Variants in BDP1 observed in about 807,000 individuals in gnomAD.
The protein encoded by BDP1 is transcription factor TFIIIB component B'' homolog.
In BDP1, 169 loss-of-function variants were observed where a neutral mutation model predicts 266.6. The ratio of observed to expected loss-of-function variants is 0.63; its 90% CI spans 0.56 to 0.72. The LOEUF (loss-of-function observed/expected upper bound fraction) is 0.72. Ranked by LOEUF, BDP1 falls within the 30% of genes least tolerant of loss-of-function variation. The pLI is 0.00. For synonymous variants in BDP1, 1,090 were observed against 1,022.4 expected, an observed-to-expected ratio of 1.07 and a Z score of -1.26; for missense variants, 3,015 against 3,053.8, an observed-to-expected ratio of 0.99 and a Z score of 0.30.
At chr5:71,473,119 A>G (rs13158264) in intron 7 of BDP1, among the ~76,000 whole-genome samples, 61,093 of 151,258 alleles carry the variant, frequency 0.4, 12,856 homozygotes, top group South Asian at 0.48. Flanking sequence ...TCCTGTGCCC[A>G]AGTGATCTGC....
chr5:71,544,608 G>C, intron 31 of BDP1, 101 bp downstream of exon 31: 4 of 1,255,028 alleles, frequency 3.2e-6, no homozygotes, highest in Non-Finnish European at 4.4e-6. Flanking sequence ...GGCCGGGCAC[G>C]GTGGCTCACG....
Position 71,510,912 on chromosome 5 carries a change from G to C in BDP1, c.3820G>C (p.Val1274Leu), listed in dbSNP as rs757154208. 9 of 1,613,710 alleles carry C rather than the reference G, an allele frequency of 5.6e-6. No homozygotes were observed. The highest frequency in any genetic ancestry group is 7.6e-6 in the Non-Finnish European group (9 of 1,179,778). The change falls in exon 17 of 39, where the codon GTT (valine) becomes CTT (leucine). Residue 1274 changes from valine to leucine, a missense_variant. Around this residue, in one of 3 missense-constraint regions of BDP1, gnomAD observed 2,383 missense variants for 2,404.9 expected, o/e 0.99. Coordinates refer to ENST00000358731, the MANE Select transcript of BDP1 (RefSeq NM_018429.3). ...IMEKVSGKMA[V>L]VEEMEADLKE... ...GGAGAAAGTATCAGGAAAGATGGCT[G>C]TTGTTGAAGAAATGGAGGCAGATTT...
In BDP1 at chr5:71,512,458, T is replaced by C. The variant is rs183792617; in HGVS notation, c.4247+30T>C. ...AAGTGTGTTTTTAAAGAAAAAGATA[T>C]TAAGTTATAGTTGCAGATTACGTTA... On this transcript the variant is annotated intron_variant, in intron 18 of 38. Transcript: ENST00000358731. The C allele has an allele frequency of 5.5e-4, 780 of 1,408,806 alleles. 3 individuals are homozygous for C. In the African/African-American group the frequency reaches 8.2e-3, roughly 15 times the overall value. 87.3% of individuals were successfully genotyped at this position (1,408,806 alleles called of 1,614,324 possible). A position where few individuals can be genotyped will look rare whatever the true frequency, so the allele number is the denominator to read the frequency against.
intron 26 of BDP1, among the ~76,000 whole-genome samples, chr5:71,533,052 T>G (rs1009495437): frequency 2.0e-5 from 3 of 152,198 alleles, no homozygotes; most frequent in Non-Finnish European, 4.4e-5. Context: ...GTGTCTGGCT[T>G]TTTTCACTTA....
chr5:71,504,235 T>C (rs1043572808), intron 15 of BDP1, among the ~76,000 whole-genome samples: 2 of 145,780 alleles, frequency 1.4e-5, no homozygotes, highest in African/African-American at 5.1e-5. Context: ...ATCATACCAC[T>C]GCACTCCAGC....
chr5:71,564,836 CT>C lies in BDP1; in HGVS notation c.7827del (p.Glu2610AsnfsTer25). On this transcript the variant is annotated frameshift_variant, in exon 39 of 39. Coordinates refer to ENST00000358731, the MANE Select transcript of BDP1 (RefSeq NM_018429.3). LOFTEE classifies it high-confidence loss of function. Reference protein sequence around the residue: ...RAPQGEATTVSEYFFNDIFIE... With the variant: ...RAPQGEATTVXEYFFNDIFIE... Reference sequence around the variant, plus strand: ...CCTCAAGGGGAGGCAACCACAGTCTCTGAATATTTCTTCAATGATATCTTCA... The same window carrying C: ...CCTCAAGGGGAGGCAACCACAGTCTCGAATATTTCTTCAATGATATCTTCA... The C allele has an allele frequency of 6.2e-7, 1 of 1,610,950 alleles. No homozygotes were observed. The highest frequency in any genetic ancestry group is 8.5e-7 in the Non-Finnish European group (1 of 1,179,490).
chr5:71,574,091 G>A, the BDP1 span, among the ~76,000 whole-genome samples: 1 of 152,184 alleles, frequency 6.6e-6, no homozygotes, highest in Non-Finnish European at 1.5e-5. Context: ...GAGCTTCATC[G>A]ATCTACAATG....
intron 35 of BDP1, 48 bp downstream of exon 35, chr5:71,553,368 G>C: frequency 7.6e-7 from 1 of 1,319,056 alleles, no homozygotes; most frequent in Non-Finnish European, 1.1e-6. Context: ...AAGTAAGATG[G>C]CCATATTGCA....
chr5:71,481,213 G>C (rs550202880), intron 7 of BDP1, among the ~76,000 whole-genome samples: 1 of 151,564 alleles, frequency 6.6e-6, no homozygotes, highest in South Asian at 2.1e-4. Flanking sequence ...CATTGTGAAT[G>C]ATGTGTTGTA....
At chr5:71,467,134 T>G (rs960005300) in intron 5 of BDP1, among the ~76,000 whole-genome samples, 1 of 152,236 alleles carries the variant, frequency 6.6e-6, no homozygotes, top group Non-Finnish European at 1.5e-5. Context: ...ATTGCTGTTA[T>G]GGATTTTGAA....
At chr5:71,529,455 G>A (rs1766101104) in intron 25 of BDP1, among the ~76,000 whole-genome samples, 1 of 152,222 alleles carries the variant, frequency 6.6e-6, no homozygotes, top group Non-Finnish European at 1.5e-5. Flanking sequence ...GCTTTGGGAG[G>A]TTGAGGCGGA....
chr5:71,549,421 G>A lies in BDP1; in HGVS notation c.6810G>A (p.Val2270=), dbSNP rs1357613312. The change falls in exon 34 of 39, where the codon GTG becomes GTA. Residue 2270 remains valine, a splice_region_variant and synonymous_variant. Transcript: ENST00000358731. The part of the protein sequence containing the change: ...ENIINPQDLT[V]NLVANVPQDG... ...TTACTAACTTTTAAACTTTGATAGT[G>A]AATCTAGTTGCTAATGTACCTCAAG... 3.1e-6 allele frequency: 5 copies of A among 1,606,138 alleles called. No individual in the cohort carries two copies. Among genetic ancestry groups the A allele is most frequent in the Middle Eastern group, 1.7e-4 (1 of 6,026 alleles).
At chr5:71,540,044 A>G (rs1043208674) in intron 28 of BDP1, among the ~76,000 whole-genome samples, 1 of 152,148 alleles carries the variant, frequency 6.6e-6, no homozygotes, top group African/African-American at 2.4e-5. Flanking sequence ...GGTATTCACA[A>G]TTAGATGACA....
At chr5:71,470,916 A>T (rs1275109249) in intron 7 of BDP1, among the ~76,000 whole-genome samples, 1 of 148,392 alleles carries the variant, frequency 6.7e-6, no homozygotes, top group Non-Finnish European at 1.5e-5. Context: ...AACTGTTATG[A>T]TGGTTTTGTT....
rs10079014 is a variant in BDP1, at chr5:71,466,364, A to G, written c.785+143A>G. ...TTGCATAATGAATATTGTAAATAGA[A>G]AAGTGGGTTAGATTAATTTGTAAAT... is the stretch of plus-strand genomic sequence containing the variant. On this transcript the variant is annotated intron_variant, in intron 5 of 38. Coordinates refer to ENST00000358731, the MANE Select transcript of BDP1 (RefSeq NM_018429.3). 290,319 of 876,450 alleles carry G rather than the reference A, an allele frequency of 0.33. 51,880 individuals carry two copies. Among genetic ancestry groups the G allele is most frequent in the Admixed American group, 0.53 (18,775 of 35,572 alleles). The allele number at this position is 876,450 out of a possible 1,614,324, so 54.3% of individuals were successfully genotyped here.
At position 71,510,388 on chromosome 5, in the gene BDP1, C is replaced by G. The variant is rs146962646; in HGVS notation, c.3296C>G (p.Ser1099Cys). The G allele has an allele frequency of 3.3e-5, 54 of 1,613,898 alleles. No individual in the cohort carries two copies. The African/African-American group carries it at 6.1e-4, about 18-fold the overall frequency. ...TTGGAAGAAACTGAAAGAGAAATAT[C>G]CCCACAGGAAAATGGCCTAGAGGAG... ...IDLEETEREISPQENGLEEVK... is the reference protein window; with the variant it reads ...IDLEETEREICPQENGLEEVK... Residue 1099 changes from serine (S) to cysteine (C), a missense_variant, in exon 17 of 39, where the codon TCC becomes TGC. Ser to Cys is a moderately radical substitution (Grantham distance 112). Around this residue, in one of 3 missense-constraint regions of BDP1, gnomAD observed 2,383 missense variants for 2,404.9 expected, o/e 0.99. Coordinates refer to ENST00000358731, the MANE Select transcript of BDP1 (RefSeq NM_018429.3).
intron 25 of BDP1, among the ~76,000 whole-genome samples, chr5:71,526,032 G>C (rs1352790038): frequency 1.3e-5 from 2 of 152,158 alleles, no homozygotes; most frequent in Admixed American, 6.5e-5. Context: ...CTTCCCAGAC[G>C]GGGTGGCGGC....
Position 71,455,922 on chromosome 5 carries a change from T to A in BDP1, c.45T>A (p.Pro15=), listed in dbSNP as rs376889848. ...ARLSVKPNVR[P]GVGARGSTAS... ...TTAGCGTGAAGCCGAATGTCAGGCC[T>A]GGTGTAGGCGCCAGGGGCTCCACAG... The change falls in exon 1 of 39, where the codon CCT becomes CCA. Residue 15 remains proline, a synonymous_variant. Coordinates refer to ENST00000358731, the MANE Select transcript of BDP1 (RefSeq NM_018429.3). The A allele has an allele frequency of 2.9e-5, 46 of 1,609,906 alleles. No homozygotes were observed. The highest frequency in any genetic ancestry group is 2.1e-4 in the South Asian group (19 of 90,512).
chr5:71,487,456 G>A (rs1010215806), intron 9 of BDP1, among the ~76,000 whole-genome samples: 1 of 152,110 alleles, frequency 6.6e-6, no homozygotes, highest in Non-Finnish European at 1.5e-5. Context: ...TGTTAGCCAG[G>A]ATGGTCTTGA....
Sources: allele counts gnomAD v4.1 joint callset (sites outside exome capture counted in the v4.1 genomes callset), GRCh38; gene constraint gnomAD v4.1.1; regional missense constraint gnomAD v4.1.1; transcripts MANE v1.5; gene names NCBI Gene and HGNC (gene_info 2026-07-23, HGNC 2026-07-21).